Variants in CFAP299 observed in about 807,000 individuals in gnomAD.
CFAP299 encodes cilia- and flagella-associated protein 299.
A neutral mutation model predicts 27.0 loss-of-function variants in CFAP299; 21 were observed. The observed-to-expected ratio is 0.78, with a 90% CI of 0.55 to 1.12. CFAP299 has a LOEUF of 1.12. Among genes scored for constraint, CFAP299 ranks in the 50% most tolerant of loss-of-function variants. The pLI is 0.00. For missense variants in CFAP299, 310 were observed against 276.6 expected (o/e 1.12, Z -0.86); for synonymous variants, 104 against 98.1 (o/e 1.06, Z -0.36).
rs572837736 is a variant in CFAP299 at position 80,646,591 on chromosome 4, A to G, written c.333+63408A>G. On this transcript the variant is annotated intron_variant, in intron 3 of 5. Transcript: ENST00000358105. ...AGTTTAGAATAAAAGCTATCCAAAC[A>G]TTTTTAAAATTTTATCAGAAAACAA... Among the ~76,000 whole-genome samples the G allele has an allele frequency of 2.0e-5, 3 of 152,330 alleles. No individual in the cohort carries two copies. In the South Asian group the frequency reaches 6.2e-4, roughly 32 times the overall value.
At chr4:80,552,024 C>T (rs1734544380) in intron 2 of CFAP299, among the ~76,000 whole-genome samples, 1 of 152,192 alleles carries the variant, frequency 6.6e-6, no homozygotes, top group Non-Finnish European at 1.5e-5. Context: ...GCTGGGATTA[C>T]AGGCGTGAGC....
chr4:80,559,326 A>G (rs753700504), intron 2 of CFAP299, among the ~76,000 whole-genome samples: 33 of 142,886 alleles, frequency 2.3e-4, no homozygotes, highest in Middle Eastern at 3.3e-3. Flanking sequence ...CTGCCATAAT[A>G]TATAGATCAA....
chr4:80,880,746 A>AT lies in CFAP299; in HGVS notation c.476+10612dup, dbSNP rs201414022. Among the ~76,000 whole-genome samples, 261 of 151,402 alleles carry AT rather than the reference A, an allele frequency of 1.7e-3. 3 individuals carry two copies. In the East Asian group the frequency reaches 0.025, roughly 14 times the overall value. On this transcript the variant is annotated intron_variant, in intron 4 of 5. Coordinates refer to ENST00000358105, the MANE Select transcript of CFAP299 (RefSeq NM_152770.3). ...GTCTCAAAAAATAAAATAAAATAAA[A>AT]TAAAATAAAATTAAATTAAATTAAA...
chr4:80,618,121 A>C (rs1738391860), intron 3 of CFAP299, among the ~76,000 whole-genome samples: 1 of 152,124 alleles, frequency 6.6e-6, no homozygotes, highest in South Asian at 2.1e-4. Context: ...AGGGGTAATA[A>C]TGAAACCCTG....
intron 3 of CFAP299, among the ~76,000 whole-genome samples, chr4:80,774,598 A>G (rs978596324): frequency 7.2e-5 from 11 of 151,990 alleles, no homozygotes; most frequent in Non-Finnish European, 1.5e-4. Flanking sequence ...TTTAATTAAT[A>G]TGTACATTGA....
At chr4:80,946,304 A>G (rs576144171) in intron 5 of CFAP299, among the ~76,000 whole-genome samples, 2 of 152,252 alleles carry the variant, frequency 1.3e-5, no homozygotes, top group South Asian at 4.2e-4. Flanking sequence ...ACAGCTCCAC[A>G]GTCATCTGGG....
upstream of CFAP299, among the ~76,000 whole-genome samples, chr4:80,335,510 G>C (rs1722086661): frequency 6.6e-6 from 1 of 152,172 alleles, no homozygotes; most frequent in African/African-American, 2.4e-5. Flanking sequence ...ATTGCAGTTT[G>C]CACCTCTCTG....
intron 2 of CFAP299, among the ~76,000 whole-genome samples, chr4:80,416,518 T>TA (rs1194497914): frequency 6.6e-6 from 1 of 152,190 alleles, no homozygotes; most frequent in Non-Finnish European, 1.5e-5. Context: ...TAAATCTATA[T>TA]ATTTCTGCCC....
chr4:80,702,203 A>C (rs1049221684), intron 3 of CFAP299, among the ~76,000 whole-genome samples: 8 of 151,872 alleles, frequency 5.3e-5, no homozygotes, highest in South Asian at 2.1e-4. Flanking sequence ...AGAAGTTCTC[A>C]TTACCTACTT....
chr4:80,839,415 T>C (rs1730743635), intron 3 of CFAP299, among the ~76,000 whole-genome samples: 1 of 152,124 alleles, frequency 6.6e-6, no homozygotes, highest in African/African-American at 2.4e-5. Context: ...CACAGACCAA[T>C]TTGAAGTACA....
chr4:80,365,433 G>A (rs1298600198), intron 2 of CFAP299, among the ~76,000 whole-genome samples: 1 of 152,098 alleles, frequency 6.6e-6, no homozygotes, highest in African/African-American at 2.4e-5. Flanking sequence ...GGACCTTTTG[G>A]TATGTAATGC....
chr4:80,888,976 A>G (rs1282210176), intron 4 of CFAP299, among the ~76,000 whole-genome samples: 1 of 134,326 alleles, frequency 7.4e-6, no homozygotes, highest in East Asian at 2.6e-4. Context: ...CAAAAGCAGT[A>G]TTCAGAGGGA....
At chr4:80,598,398 C>T (rs915972175) in intron 3 of CFAP299, among the ~76,000 whole-genome samples, 5 of 152,186 alleles carry the variant, frequency 3.3e-5, no homozygotes, top group Non-Finnish European at 7.3e-5. Flanking sequence ...ACAATATAAA[C>T]TTCAATGTTA....
chr4:80,338,489 C>T (rs1036371965), intron 1 of CFAP299, among the ~76,000 whole-genome samples: 1 of 152,010 alleles, frequency 6.6e-6, no homozygotes, highest in African/African-American at 2.4e-5. Flanking sequence ...TCTAACTCTG[C>T]AATATTGTGT....
intron 2 of CFAP299, among the ~76,000 whole-genome samples, chr4:80,479,247 A>G (rs1730436497): frequency 6.6e-6 from 1 of 152,066 alleles, no homozygotes; most frequent in Admixed American, 6.6e-5. Context: ...GAAAACAATA[A>G]TAATGAGACA....
chr4:80,823,251 T>C (rs1729802778), intron 3 of CFAP299, among the ~76,000 whole-genome samples: 1 of 152,172 alleles, frequency 6.6e-6, no homozygotes, highest in African/African-American at 2.4e-5. Context: ...TTCTATTTCC[T>C]GTCTCACCCT....
Position 80,889,224 on chromosome 4 carries a change from C to A in CFAP299, c.476+19089C>A, listed in dbSNP as rs542306088. Reference sequence around the variant, plus strand: ...TTTTTTTAAAGATTAACAAAATTGACAAACCTTTAGCCAGACTAAGAAAAA... The same window carrying A: ...TTTTTTTAAAGATTAACAAAATTGAAAAACCTTTAGCCAGACTAAGAAAAA... On this transcript the variant is annotated intron_variant, in intron 4 of 5. Transcript: ENST00000358105. 3.3e-5 allele frequency among the ~76,000 whole-genome samples: 5 copies of A among 151,246 alleles called. No homozygotes were observed. The East Asian group carries it at 9.7e-4, about 29-fold the overall frequency.
At chr4:80,839,106 A>T (rs1184630713) in intron 3 of CFAP299, among the ~76,000 whole-genome samples, 1 of 152,126 alleles carries the variant, frequency 6.6e-6, no homozygotes, top group African/African-American at 2.4e-5. Context: ...ATGTGAATTA[A>T]AGGTTTCCTT....
intron 2 of CFAP299, among the ~76,000 whole-genome samples, chr4:80,549,628 A>G (rs1734404822): frequency 6.6e-6 from 1 of 152,162 alleles, no homozygotes; most frequent in Non-Finnish European, 1.5e-5. Context: ...AACTGTGGAC[A>G]CGTTTTTGAT....
Sources: gnomAD v4.1 joint callset for allele counts (sites outside exome capture counted in the v4.1 genomes callset) on GRCh38, gnomAD v4.1.1 for gene constraint, MANE v1.5 for transcripts, NCBI Gene and HGNC (gene_info 2026-07-23, HGNC 2026-07-21) for gene names.